Variants in NRG3 observed in about 807,000 individuals in gnomAD.
The protein encoded by NRG3 is neuregulin 3.
A neutral mutation model predicts 66.9 loss-of-function variants in NRG3; 31 were observed. That is an observed-to-expected ratio of 0.46 (90% CI 0.35 to 0.63). The LOEUF (loss-of-function observed/expected upper bound fraction) is 0.63. Ranked by LOEUF, NRG3 falls within the 20% of genes least tolerant of loss-of-function variation. The pLI is 0.00. For missense variants in NRG3, 910 were observed against 878.9 expected (o/e 1.04, Z -0.45); for synonymous variants, 393 against 359.4 (o/e 1.09, Z -1.06).
chr10:82,115,311 A>G (rs1564576139), intron 1 of NRG3, among the ~76,000 whole-genome samples: 1 of 152,146 alleles, frequency 6.6e-6, no homozygotes, highest in Non-Finnish European at 1.5e-5. Context: ...CCCTTCAAGT[A>G]TAACCACAGC....
intron 4 of NRG3, among the ~76,000 whole-genome samples, chr10:82,921,159 A>G (rs779724158): frequency 1.3e-5 from 2 of 152,128 alleles, no homozygotes; most frequent in African/African-American, 2.4e-5. Flanking sequence ...TTGATATGCT[A>G]TTATAATAGC....
At chr10:82,208,792 A>G (rs1222228232) in intron 1 of NRG3, among the ~76,000 whole-genome samples, 4 of 152,174 alleles carry the variant, frequency 2.6e-5, no homozygotes, top group Non-Finnish European at 5.9e-5. Flanking sequence ...TTACTAAAAT[A>G]TGGCAACTGC....
intron 1 of NRG3, among the ~76,000 whole-genome samples, chr10:82,040,481 A>G (rs2062984223): frequency 6.6e-6 from 1 of 151,090 alleles, no homozygotes; most frequent in South Asian, 2.1e-4. Flanking sequence ...TAACTGAAAA[A>G]TCTCTCTCTT....
At chr10:82,414,882 C>T (rs951013711) in intron 2 of NRG3, among the ~76,000 whole-genome samples, 7 of 152,136 alleles carry the variant, frequency 4.6e-5, no homozygotes, top group Non-Finnish European at 1.5e-5. Flanking sequence ...TGAGGAAGAA[C>T]TCCTTCTTTC....
At chr10:82,101,175 T>G (rs2066703022) in intron 1 of NRG3, among the ~76,000 whole-genome samples, 1 of 151,954 alleles carries the variant, frequency 6.6e-6, no homozygotes, top group African/African-American at 2.4e-5. Flanking sequence ...GTGGTGTTCC[T>G]TTTGTATTCT....
At chr10:81,914,458 C>T (rs369678765) in intron 1 of NRG3, among the ~76,000 whole-genome samples, 14 of 152,148 alleles carry the variant, frequency 9.2e-5, no homozygotes, top group Non-Finnish European at 1.6e-4. Context: ...ATTGGCCAGG[C>T]GCAGTGGCTC....
chr10:82,155,505 G>A (rs1164033490), intron 1 of NRG3, among the ~76,000 whole-genome samples: 1 of 151,654 alleles, frequency 6.6e-6, no homozygotes, highest in Non-Finnish European at 1.5e-5. Context: ...CTATCCATTG[G>A]GCCCCAGGCT....
At chr10:82,436,279 T>C (rs929276049) in intron 2 of NRG3, among the ~76,000 whole-genome samples, 2 of 152,176 alleles carry the variant, frequency 1.3e-5, no homozygotes, top group African/African-American at 2.4e-5. Context: ...TTATTCCCTA[T>C]ACCATGACAT....
At chr10:82,347,263 T>A (rs1285220856) in intron 1 of NRG3, among the ~76,000 whole-genome samples, 1 of 149,792 alleles carries the variant, frequency 6.7e-6, no homozygotes, top group South Asian at 2.1e-4. Context: ...TCTGGTATGT[T>A]GTGTCTTTGT....
intron 2 of NRG3, among the ~76,000 whole-genome samples, chr10:82,477,880 G>A (rs980845684): frequency 4.6e-5 from 7 of 152,080 alleles, no homozygotes; most frequent in East Asian, 1.9e-4. Flanking sequence ...CCAAGACTCC[G>A]GGAGAGTCTG....
chr10:81,886,514 C>T (rs1029241624), intron 1 of NRG3, among the ~76,000 whole-genome samples: 4 of 152,060 alleles, frequency 2.6e-5, no homozygotes, highest in African/African-American at 4.8e-5. Flanking sequence ...GAAATTTGCA[C>T]TTGTATTGTT....
chr10:82,094,957 C>A (rs939156122), intron 1 of NRG3, among the ~76,000 whole-genome samples: 1 of 152,154 alleles, frequency 6.6e-6, no homozygotes, highest in Non-Finnish European at 1.5e-5. Context: ...GGGATAGTTA[C>A]ACTAAAAGCC....
chr10:82,037,602 G>A (rs545190314), intron 1 of NRG3, among the ~76,000 whole-genome samples: 10 of 152,178 alleles, frequency 6.6e-5, no homozygotes, highest in Non-Finnish European at 1.5e-4. Context: ...CTTTTAAACA[G>A]GTCTAACAGC....
At chr10:82,960,082 T>A (rs1362593626) in intron 6 of NRG3, among the ~76,000 whole-genome samples, 1 of 152,222 alleles carries the variant, frequency 6.6e-6, no homozygotes, top group Non-Finnish European at 1.5e-5. Context: ...TGGAAATTTA[T>A]ACATCACTGG....
intron 3 of NRG3, among the ~76,000 whole-genome samples, chr10:82,793,594 G>T (rs1280250553): frequency 2.0e-5 from 3 of 152,126 alleles, no homozygotes; most frequent in African/African-American, 7.2e-5. Flanking sequence ...AGGTTATGTT[G>T]CAATAGCTTA....
intron 4 of NRG3, among the ~76,000 whole-genome samples, chr10:82,928,645 G>T (rs1847253634): frequency 6.7e-6 from 1 of 148,270 alleles, no homozygotes; most frequent in African/African-American, 2.5e-5. Flanking sequence ...TCTCAAACTT[G>T]TTCAAAGAGT....
chr10:81,938,708 G>T (rs957702161), intron 1 of NRG3, among the ~76,000 whole-genome samples: 1 of 151,636 alleles, frequency 6.6e-6, no homozygotes. Flanking sequence ...TGTGAACAGA[G>T]ATCATTTCAC....
At chr10:82,106,013 C>T (rs954442615) in intron 1 of NRG3, among the ~76,000 whole-genome samples, 2 of 152,134 alleles carry the variant, frequency 1.3e-5, no homozygotes, top group Non-Finnish European at 2.9e-5. Flanking sequence ...CTTCTGGGGT[C>T]TAGTTATTTG....
rs75618163 is a variant in NRG3 at position 82,125,776 on chromosome 10, A to G, written c.824-232963A>G. On this transcript the variant is annotated intron_variant, in intron 1 of 8. Transcript: ENST00000372141. The stretch of plus-strand genomic sequence containing the variant: ...TCCAATGTCCCCGGCTCACTAGACC[A>G]TGCTTATATATTCTGAATACTGCCC... Among the ~76,000 whole-genome samples the G allele has an allele frequency of 4.1e-3, 627 of 152,074 alleles. 6 individuals are homozygous for G. The highest frequency in any genetic ancestry group is 0.014 in the African/African-American group (601 of 41,512).
Sources: allele counts gnomAD v4.1 joint callset (sites outside exome capture counted in the v4.1 genomes callset), GRCh38; gene constraint gnomAD v4.1.1; transcripts MANE v1.5; gene names NCBI Gene and HGNC (gene_info 2026-07-23, HGNC 2026-07-21).